Variants in FAM169A observed in about 807,000 individuals in gnomAD.
FAM169A encodes the protein soluble lamin-associated protein of 75 kDa.
In FAM169A, 24 loss-of-function variants were observed where a neutral mutation model predicts 75.7. That is an observed-to-expected ratio of 0.32 (90% CI 0.23 to 0.45). The LOEUF (loss-of-function observed/expected upper bound fraction) is 0.45, where lower values mean the gene tolerates loss of function less well. Among genes scored for constraint, FAM169A ranks in the 20% least tolerant of loss-of-function variants. The probability of loss-of-function intolerance (pLI) is 1.00; values close to 1 mark genes in which losing one functional copy is unlikely to be tolerated. For synonymous variants in FAM169A, 271 were observed against 271.0 expected, an observed-to-expected ratio of 1.00 and a Z score of 0.00; for missense variants, 673 against 784.0, an observed-to-expected ratio of 0.86 and a Z score of 1.69.
chr5:74,805,344 G>C, intron 6 of FAM169A, 60 bp from the exon 7 acceptor site: 1 of 1,548,762 alleles, frequency 6.5e-7, no homozygotes, highest in Non-Finnish European at 8.8e-7. Context: ...TGAAAAACAG[G>C]AGTTGAAAAG....
At chr5:74,806,687 CTACTG>C (rs1746902874) in intron 6 of FAM169A, among the ~76,000 whole-genome samples, 2 of 152,170 alleles carry the variant, frequency 1.3e-5, no homozygotes, top group Non-Finnish European at 2.9e-5. Context: ...AAATTAGTGA[CTACTG>C]TATTGAACTG....
rs748962247 is a variant in FAM169A, at chr5:74,804,650, G to C, written c.800-45C>G. 6 of 1,104,250 alleles carry C rather than the reference G, an allele frequency of 5.4e-6. No homozygotes were observed. In the South Asian group the frequency reaches 8.3e-5, roughly 15 times the overall value. 68.4% of individuals were successfully genotyped at this position (1,104,250 alleles called of 1,614,324 possible). On this transcript the variant is annotated intron_variant, in intron 7 of 12. Transcript: ENST00000687041. The stretch of plus-strand genomic sequence containing the variant: ...AAAAACTGTAACCGAATCAGTATTT[G>C]GTTTTAACTCTAACATTGTACTGAT...
intron 1 of FAM169A, among the ~76,000 whole-genome samples, chr5:74,853,288 A>G (rs932107606): frequency 6.6e-6 from 1 of 152,226 alleles, no homozygotes; most frequent in African/African-American, 2.4e-5. Context: ...GATAATAACA[A>G]GAGAACCACC....
intron 5 of FAM169A, among the ~76,000 whole-genome samples, chr5:74,823,579 G>A (rs187857929): frequency 1.9e-4 from 29 of 152,250 alleles, no homozygotes; most frequent in Admixed American, 1.7e-3. Context: ...GGTGCTTTGA[G>A]AACTGAACCC....
At position 74,778,458 on chromosome 5, in the gene FAM169A, G is replaced by T. The variant is rs183780823; in HGVS notation, c.*3002C>A. The T allele has an allele frequency of 6.6e-6, 1 of 151,984 alleles. No homozygotes were observed. The highest frequency in any genetic ancestry group is 6.6e-5 in the Admixed American group (1 of 15,266). The allele number at this position is 151,984 out of a possible 1,614,324, so 9.4% of individuals were successfully genotyped here. On this transcript the variant is annotated 3_prime_UTR_variant, in exon 13 of 13. Transcript: ENST00000687041. ...TCTAGTCACTGAAACCCCATTGTAG[G>T]TAGTGTTCTGGAGTCTGCTATAAGT... is the stretch of plus-strand genomic sequence containing the variant.
Position 74,840,119 on chromosome 5 carries a change from T to A in FAM169A, c.187A>T (p.Thr63Ser), listed in dbSNP as rs1748779656. The A allele has an allele frequency of 6.2e-7, 1 of 1,602,510 alleles. No individual in the cohort carries two copies. Among genetic ancestry groups the A allele is most frequent in the East Asian group, 2.2e-5 (1 of 44,476 alleles). ...GCAAAGAGAGCAAGAATTTTCTGGGTCTGATCTCCACCATAAAGAGGTACA... is the reference window on the plus strand; with the variant it reads ...GCAAAGAGAGCAAGAATTTTCTGGGACTGATCTCCACCATAAAGAGGTACA... ...GFVPLYGGDQ[T>S]QKILALFAPE... The change falls in exon 3 of 13, where the codon ACC becomes TCC. Residue 63 changes from threonine (T) to serine (S), a missense_variant. Coordinates refer to ENST00000687041, the MANE Select transcript of FAM169A (RefSeq NM_001376049.1).
At chr5:74,861,445 T>C (rs1224743037) in intron 1 of FAM169A, among the ~76,000 whole-genome samples, 1 of 152,068 alleles carries the variant, frequency 6.6e-6, no homozygotes, top group African/African-American at 2.4e-5. Context: ...ATAACGTATA[T>C]CCAAAGTTGA....
chr5:74,859,013 A>G (rs1239661220), intron 1 of FAM169A, among the ~76,000 whole-genome samples: 1 of 152,108 alleles, frequency 6.6e-6, no homozygotes, highest in East Asian at 2.0e-4. Context: ...CAGGAGTTCA[A>G]GATGGGCCTG....
intron 3 of FAM169A, among the ~76,000 whole-genome samples, chr5:74,839,814 G>A (rs1351202025): frequency 3.9e-5 from 6 of 152,002 alleles, no homozygotes; most frequent in East Asian, 1.9e-4. Flanking sequence ...ATGAGCCACC[G>A]TGCCTGGCTA....
At chr5:74,791,569 C>T (rs1745978171) in intron 11 of FAM169A, among the ~76,000 whole-genome samples, 1 of 152,192 alleles carries the variant, frequency 6.6e-6, no homozygotes, top group Non-Finnish European at 1.5e-5. Flanking sequence ...GCTGGGGTGA[C>T]TGACCCAGAC....
intron 1 of FAM169A, among the ~76,000 whole-genome samples, chr5:74,857,572 GAAAAAAAAA>G (rs35476827): frequency 4.4e-4 from 25 of 56,310 alleles, no homozygotes; most frequent in East Asian, 3.2e-3. Flanking sequence ...CTTGCCGCGG[GAAAAAAAAA>G]AAAAAAAAAA....
At chr5:74,861,376 TTTG>T (rs1022715531) in intron 1 of FAM169A, among the ~76,000 whole-genome samples, 48 of 152,156 alleles carry the variant, frequency 3.2e-4, no homozygotes, top group Admixed American at 3.1e-3. Flanking sequence ...TTGATTCATA[TTTG>T]CAACAGTTCA....
rs1448948077 is a variant in FAM169A at position 74,785,306 on chromosome 5, G to A, written c.1261-2172C>T. Among the ~76,000 whole-genome samples, 7 of 151,990 alleles carry A rather than the reference G, an allele frequency of 4.6e-5. No individual in the cohort carries two copies. The East Asian group carries it at 5.8e-4, about 13-fold the overall frequency. On this transcript the variant is annotated intron_variant, in intron 11 of 12. Transcript: ENST00000687041. The stretch of plus-strand genomic sequence containing the variant: ...TGCATTCCAGCCTGGGCAACAGAGC[G>A]AGACTCCGTCTCAAAAGAAAAAAAA...
intron 4 of FAM169A, among the ~76,000 whole-genome samples, chr5:74,835,170 G>T (rs1748506680): frequency 6.6e-6 from 1 of 152,054 alleles, no homozygotes; most frequent in Non-Finnish European, 1.5e-5. Flanking sequence ...CAAAGACGGG[G>T]ATACCAAAGA....
At chr5:74,852,998 G>A (rs1281133712) in intron 1 of FAM169A, among the ~76,000 whole-genome samples, 2 of 152,100 alleles carry the variant, frequency 1.3e-5, no homozygotes, top group South Asian at 2.1e-4. Context: ...ACATAATAAT[G>A]TGGTTCATTT....
intron 1 of FAM169A, among the ~76,000 whole-genome samples, chr5:74,842,467 G>A (rs762442668): frequency 1.6e-5 from 2 of 127,082 alleles, no homozygotes; most frequent in Non-Finnish European, 3.2e-5. Context: ...TCACTGAATT[G>A]TACGGTTTGC....
At chr5:74,828,749 G>A (rs1476558256) in intron 5 of FAM169A, among the ~76,000 whole-genome samples, 1 of 152,144 alleles carries the variant, frequency 6.6e-6, no homozygotes, top group South Asian at 2.1e-4. Context: ...ATAAAGTTTT[G>A]TTGCTGTTAC....
At chr5:74,798,218 T>A (rs1746378190) in intron 10 of FAM169A, among the ~76,000 whole-genome samples, 1 of 152,236 alleles carries the variant, frequency 6.6e-6, no homozygotes. Context: ...ACTGTGTACA[T>A]ATCTCTCTTT....
At position 74,840,163 on chromosome 5, in the gene FAM169A, C is replaced by G. The variant is rs757561995; in HGVS notation, c.143G>C (p.Ser48Thr). 2 of 1,537,676 alleles carry G rather than the reference C, an allele frequency of 1.3e-6. No homozygotes were observed. Among genetic ancestry groups the G allele is most frequent in the Non-Finnish European group, 1.8e-6 (2 of 1,134,132 alleles). ...FSLLNITIPI[S>T]LSNVGFVPLY... ...AGGTACAAAGCCTACATTTGACAGGCTAATAGGAATCTGAAATGACAAATT... is the reference window on the plus strand; with the variant it reads ...AGGTACAAAGCCTACATTTGACAGGGTAATAGGAATCTGAAATGACAAATT... Residue 48 changes from serine to threonine, a missense_variant, in exon 3 of 13, where the codon AGC (serine) becomes ACC (threonine). By Grantham distance (58) the Ser-to-Thr change is moderately conservative. Coordinates refer to ENST00000687041, the MANE Select transcript of FAM169A (RefSeq NM_001376049.1).
Sources: allele counts gnomAD v4.1 joint callset (sites outside exome capture counted in the v4.1 genomes callset), GRCh38; gene constraint gnomAD v4.1.1; transcripts MANE v1.5; gene names NCBI Gene and HGNC (gene_info 2026-07-23, HGNC 2026-07-21).